The following ARHGEF7 variants were observed in gnomAD, a reference collection of about 807,000 sequenced individuals.
The protein encoded by ARHGEF7 is Rho guanine nucleotide exchange factor 7.
Under a neutral mutation model 109.8 loss-of-function variants are expected in ARHGEF7, and 33 were observed. That is an observed-to-expected ratio of 0.30 (90% CI 0.23 to 0.40). The LOEUF is 0.40. Ranked by LOEUF, ARHGEF7 falls within the 10% of genes least tolerant of loss-of-function variation. The pLI is 1.00. For missense variants in ARHGEF7, 938 were observed against 1,098.5 expected (o/e 0.85, Z 2.07); for synonymous variants, 458 against 424.6 (o/e 1.08, Z -0.97).
chr13:111,249,690 T>C (rs1401797638), intron 8 of ARHGEF7, among the ~76,000 whole-genome samples: 1 of 152,176 alleles, frequency 6.6e-6, no homozygotes, highest in Non-Finnish European at 1.5e-5. Flanking sequence ...AACTCGGTTT[T>C]AGGGCTAGTT....
At chr13:111,213,065 C>T (rs928445243) in intron 4 of ARHGEF7, among the ~76,000 whole-genome samples, 5 of 152,122 alleles carry the variant, frequency 3.3e-5, no homozygotes, top group African/African-American at 9.7e-5. Flanking sequence ...TCTTAGAGAG[C>T]GGAGGAGAGG....
intron 2 of ARHGEF7, among the ~76,000 whole-genome samples, chr13:111,189,903 C>T (rs1156395247): frequency 6.6e-6 from 1 of 152,166 alleles, no homozygotes; most frequent in Non-Finnish European, 1.5e-5. Context: ...TTCTCCAAGT[C>T]CCCACCCGAC....
At position 111,205,373 on chromosome 13, in the gene ARHGEF7, G is replaced by A; in HGVS notation, c.337G>A (p.Asp113Asn). 6.3e-7 allele frequency: 1 copy of A among 1,589,452 alleles called. No individual in the cohort carries two copies. Among genetic ancestry groups the A allele is most frequent in the Non-Finnish European group, 8.5e-7 (1 of 1,172,234 alleles). The change falls in exon 3 of 22, where the codon GAC (aspartate) becomes AAC (asparagine). Residue 113 changes from aspartate (D) to asparagine (N), a missense_variant and splice_region_variant. Around this residue, in one of 4 missense-constraint regions of ARHGEF7, gnomAD observed 585 missense variants for 723.6 expected, o/e 0.81. Coordinates refer to ENST00000646102, the MANE Select transcript of ARHGEF7 (RefSeq NM_001354046.2). ...AGTGACTCTAAATAAAGTAACAGCA[G>A]GTAAGACTCTTTTTTATTGAACTCG... Reference protein sequence around the residue: ...SLVTLNKVTADIGLGSDSVCA... With the variant: ...SLVTLNKVTANIGLGSDSVCA...
intron 2 of ARHGEF7, among the ~76,000 whole-genome samples, chr13:111,204,469 T>C (rs2081542358): frequency 6.6e-6 from 1 of 152,206 alleles, no homozygotes; most frequent in Non-Finnish European, 1.5e-5. Flanking sequence ...TCAGAAGCCA[T>C]ATGTAGTCTT....
At position 111,221,620 on chromosome 13, in the gene ARHGEF7, GTA is replaced by G. The variant is rs561274081; in HGVS notation, c.670+3750_670+3751del. On this transcript the variant is annotated intron_variant, in intron 5 of 21. Coordinates refer to ENST00000646102, the MANE Select transcript of ARHGEF7 (RefSeq NM_001354046.2). The stretch of plus-strand genomic sequence containing the variant: ...ATAGATATATATCTCCCCTTTATAT[GTA>G]TATATATATGTATCTCCCCTTTATA... 2.8e-3 allele frequency among the ~76,000 whole-genome samples: 286 copies of G among 103,002 alleles called. 1 individual carries two copies. Among genetic ancestry groups the G allele is most frequent in the African/African-American group, 6.9e-3 (183 of 26,632 alleles). The allele number at this position is 103,002 out of a possible 152,430, so 67.6% of individuals were successfully genotyped here. A position where few individuals can be genotyped will look rare whatever the true frequency, so the allele number is the denominator to read the frequency against.
chr13:111,302,520 C>T (rs1445187597), intron 21 of ARHGEF7, among the ~76,000 whole-genome samples: 1 of 152,228 alleles, frequency 6.6e-6, no homozygotes, highest in African/African-American at 2.4e-5. Context: ...CCCCTACCGG[C>T]AGCAGGCATC....
chr13:111,149,180 C>T (rs1335087385), intron 1 of ARHGEF7, among the ~76,000 whole-genome samples: 8 of 151,534 alleles, frequency 5.3e-5, no homozygotes, highest in Admixed American at 3.3e-4. Context: ...GAGTCTGAGG[C>T]GGGCAGATTG....
At chr13:111,144,948 C>T (rs1359304980) in intron 1 of ARHGEF7, among the ~76,000 whole-genome samples, 1 of 152,172 alleles carries the variant, frequency 6.6e-6, no homozygotes, top group Non-Finnish European at 1.5e-5. Flanking sequence ...AATTCTCTTT[C>T]CCCGTAGGGA....
chr13:111,242,061 G>A (rs532153953), intron 6 of ARHGEF7, among the ~76,000 whole-genome samples: 57 of 152,224 alleles, frequency 3.7e-4, no homozygotes, highest in African/African-American at 1.3e-3. Flanking sequence ...CGGGAATTTC[G>A]TAGAAGGAAG....
intron 1 of ARHGEF7, among the ~76,000 whole-genome samples, chr13:111,120,495 G>C (rs1443662901): frequency 3.3e-5 from 5 of 150,494 alleles, no homozygotes; most frequent in African/African-American, 9.7e-5. Context: ...AGACACATGC[G>C]TGTACATAGA....
intron 1 of ARHGEF7, among the ~76,000 whole-genome samples, chr13:111,123,413 C>T (rs1207288861): frequency 2.6e-5 from 4 of 152,158 alleles, no homozygotes; most frequent in Non-Finnish European, 4.4e-5. Flanking sequence ...GGCACAGCTG[C>T]ACCAGCAGGC....
In ARHGEF7 at chr13:111,245,395, A is replaced by G. The variant is rs555665492; in HGVS notation, c.950+1101A>G. Among the ~76,000 whole-genome samples the G allele has an allele frequency of 7.9e-5, 12 of 152,270 alleles. No individual in the cohort carries two copies. The East Asian group carries it at 2.3e-3, about 29-fold the overall frequency. On this transcript the variant is annotated intron_variant, in intron 8 of 21. Coordinates refer to ENST00000646102, the MANE Select transcript of ARHGEF7 (RefSeq NM_001354046.2). Reference sequence around the variant, plus strand: ...ATTGAGAAATGGTTCATTGTTGTGTAGAATAAGAGAAGATGACACTTCAAG... The same window carrying G: ...ATTGAGAAATGGTTCATTGTTGTGTGGAATAAGAGAAGATGACACTTCAAG...
intron 5 of ARHGEF7, among the ~76,000 whole-genome samples, chr13:111,222,249 T>G (rs1049466190): frequency 2.0e-5 from 3 of 152,126 alleles, no homozygotes; most frequent in African/African-American, 4.8e-5. Context: ...AAAATTTCCC[T>G]TTTTTTCCTG....
intron 2 of ARHGEF7, among the ~76,000 whole-genome samples, chr13:111,198,657 G>C (rs796151939): frequency 3.9e-5 from 6 of 152,120 alleles, no homozygotes; most frequent in African/African-American, 1.4e-4. Flanking sequence ...TGCGGTGAGT[G>C]TTACAGCTCA....
intron 5 of ARHGEF7, among the ~76,000 whole-genome samples, chr13:111,218,833 T>C (rs2083457706): frequency 6.6e-6 from 1 of 152,156 alleles, no homozygotes; most frequent in Admixed American, 6.5e-5. Flanking sequence ...CTGCTATTGT[T>C]TTTCTAAGGT....
rs2153639660 is a variant in ARHGEF7, at chr13:111,304,873, G to A, written c.*1760G>A. 2.6e-5 allele frequency: 4 copies of A among 152,370 alleles called. No individual in the cohort carries two copies. The Middle Eastern group carries it at 0.014, about 518-fold the overall frequency. 9.4% of individuals were successfully genotyped at this position (152,370 alleles called of 1,614,324 possible). On this transcript the variant is annotated 3_prime_UTR_variant, in exon 22 of 22. Transcript: ENST00000646102. The stretch of plus-strand genomic sequence containing the variant: ...CAACACTTTCTTTTTTGGTAAGCTT[G>A]AGTTTTACAAGTTATTTTTTGGTGA...
At chr13:111,279,775 A>G (rs2092686935) in intron 13 of ARHGEF7, among the ~76,000 whole-genome samples, 1 of 152,206 alleles carries the variant, frequency 6.6e-6, no homozygotes, top group Admixed American at 6.5e-5. Context: ...ATTTAGCACA[A>G]CTACTTATTT....
intron 2 of ARHGEF7, among the ~76,000 whole-genome samples, chr13:111,188,651 A>G (rs2079529002): frequency 1.3e-5 from 2 of 152,214 alleles, no homozygotes. Flanking sequence ...TGTGTTTAGA[A>G]TTTGAGAAGA....
At chr13:111,221,249 ATATATC>A (rs1459989353) in intron 5 of ARHGEF7, among the ~76,000 whole-genome samples, 133 of 55,016 alleles carry the variant, frequency 2.4e-3, no homozygotes, top group African/African-American at 3.3e-3. Flanking sequence ...ATATGTCTAT[ATATATC>A]TATATAGATA....
Sources: allele counts gnomAD v4.1 joint callset (sites outside exome capture counted in the v4.1 genomes callset), GRCh38; gene constraint gnomAD v4.1.1; regional missense constraint gnomAD v4.1.1; transcripts MANE v1.5; gene names NCBI Gene and HGNC (gene_info 2026-07-23, HGNC 2026-07-21).